TBC1D32: variants seen among roughly 807,000 people sequenced by gnomAD.
The protein encoded by TBC1D32 is TBC1 domain family member 32, also known as protein broad-minded.
A neutral mutation model predicts 170.3 loss-of-function variants in TBC1D32; 151 were observed. The ratio of observed to expected loss-of-function variants is 0.89; its 90% CI spans 0.78 to 1.01. The LOEUF (loss-of-function observed/expected upper bound fraction) is 1.01. TBC1D32 is among the 50% of genes least tolerant of loss of function. The pLI, the probability that TBC1D32 is intolerant of heterozygous loss-of-function variation, is 0.00. For missense variants in TBC1D32, 1,464 were observed against 1,457.1 expected, an observed-to-expected ratio of 1.00 and a Z score of -0.08; for synonymous variants, 498 against 488.0, an observed-to-expected ratio of 1.02 and a Z score of -0.27.
intron 24 of TBC1D32, among the ~76,000 whole-genome samples, chr6:121,147,985 T>G (rs1783695264): frequency 6.6e-6 from 1 of 151,744 alleles, no homozygotes; most frequent in Admixed American, 6.6e-5. Flanking sequence ...AATATTTGTT[T>G]GTTGGTTGGT....
chr6:121,226,008 A>G (rs1795010260), intron 20 of TBC1D32, among the ~76,000 whole-genome samples: 1 of 152,170 alleles, frequency 6.6e-6, no homozygotes, highest in African/African-American at 2.4e-5. Flanking sequence ...TAAGGAAACT[A>G]ATGAAAAGTC....
chr6:121,097,613 A>C (rs1308723473), intron 30 of TBC1D32, among the ~76,000 whole-genome samples: 1 of 152,192 alleles, frequency 6.6e-6, no homozygotes, highest in Non-Finnish European at 1.5e-5. Flanking sequence ...AATTAGTTCA[A>C]CCATTGTGGA....
At chr6:121,180,439 A>G (rs1429398111) in intron 22 of TBC1D32, among the ~76,000 whole-genome samples, 1 of 151,864 alleles carries the variant, frequency 6.6e-6, no homozygotes, top group African/African-American at 2.4e-5. Flanking sequence ...CCCAGAAATA[A>G]ATCTACACAC....
At chr6:121,156,295 G>A (rs1052001523) in intron 24 of TBC1D32, among the ~76,000 whole-genome samples, 1 of 151,736 alleles carries the variant, frequency 6.6e-6, no homozygotes, top group Non-Finnish European at 1.5e-5. Context: ...TAATTTGTGT[G>A]CATTGAAGTG....
chr6:121,314,144 T>G (rs993191894), intron 3 of TBC1D32, among the ~76,000 whole-genome samples: 4 of 152,190 alleles, frequency 2.6e-5, no homozygotes, highest in African/African-American at 9.6e-5. Context: ...TTCCAGCTTC[T>G]AGAGGCTGCC....
chr6:121,091,529 C>T (rs1776798988), intron 30 of TBC1D32, among the ~76,000 whole-genome samples: 1 of 152,088 alleles, frequency 6.6e-6, no homozygotes, highest in African/African-American at 2.4e-5. Flanking sequence ...AATTACATAA[C>T]ATAAAATCTG....
intron 24 of TBC1D32, among the ~76,000 whole-genome samples, chr6:121,155,625 G>A (rs9375004): frequency 0.64 from 96,914 of 151,968 alleles, 36,626 homozygotes; most frequent in Non-Finnish European, 0.84. Context: ...GTATAATGCT[G>A]TGATGTTAGC....
chr6:121,298,179 G>T (rs150354493), intron 10 of TBC1D32, among the ~76,000 whole-genome samples: 1 of 151,976 alleles, frequency 6.6e-6, no homozygotes, highest in Non-Finnish European at 1.5e-5. Context: ...TTGATATTTT[G>T]TAAATGTAGG....
chr6:121,101,413 G>A (rs1778042432), intron 30 of TBC1D32, among the ~76,000 whole-genome samples: 1 of 151,962 alleles, frequency 6.6e-6, no homozygotes, highest in Admixed American at 6.6e-5. Flanking sequence ...TTCATCCATG[G>A]GATGCGAAGC....
intron 24 of TBC1D32, among the ~76,000 whole-genome samples, chr6:121,159,199 G>A (rs1785281060): frequency 6.6e-6 from 1 of 152,158 alleles, no homozygotes. Context: ...TTTCTATTTA[G>A]TTCCCATCAC....
At chr6:121,327,820 C>G (rs1170957169) in intron 1 of TBC1D32, among the ~76,000 whole-genome samples, 1 of 151,924 alleles carries the variant, frequency 6.6e-6, no homozygotes, top group South Asian at 2.1e-4. Context: ...TTAATGTAGT[C>G]AAAGTAAACA....
intron 27 of TBC1D32, among the ~76,000 whole-genome samples, chr6:121,114,412 T>A (rs963209833): frequency 2.0e-5 from 3 of 152,108 alleles, no homozygotes; most frequent in African/African-American, 7.2e-5. Flanking sequence ...ATCTACGAAG[T>A]CCATTTCAGA....
intron 25 of TBC1D32, among the ~76,000 whole-genome samples, chr6:121,127,163 CACT>C (rs2128213282): frequency 6.6e-6 from 1 of 152,246 alleles, no homozygotes; most frequent in African/African-American, 2.4e-5. Context: ...ACACTTTACT[CACT>C]ATGTAAAATT....
intron 17 of TBC1D32, among the ~76,000 whole-genome samples, chr6:121,252,760 T>C (rs1331535806): frequency 1.3e-5 from 2 of 151,950 alleles, no homozygotes; most frequent in East Asian, 1.9e-4. Context: ...AAAACAGACA[T>C]GTAGACCAAT....
In TBC1D32 at chr6:121,193,288, G is replaced by A. The variant is rs370969074; in HGVS notation, c.2570+11787C>T. Among the ~76,000 whole-genome samples, 4 of 152,212 alleles carry A rather than the reference G, an allele frequency of 2.6e-5. No homozygotes were observed. In the South Asian group the frequency reaches 8.3e-4, roughly 31 times the overall value. ...CAGATTAAATGATGGCCCACTGTGA[G>A]AAAGCTGGATATGACTGATCTCCTT... On this transcript the variant is annotated intron_variant, in intron 22 of 31. Transcript: ENST00000398212.
chr6:121,257,695 T>C (rs756496473), intron 15 of TBC1D32, among the ~76,000 whole-genome samples: 2 of 152,214 alleles, frequency 1.3e-5, no homozygotes, highest in Non-Finnish European at 2.9e-5. Context: ...TTGTTTGTTT[T>C]CTGTTTTAGT....
chr6:121,173,447 G>A (rs1776810), intron 22 of TBC1D32, among the ~76,000 whole-genome samples: 124,086 of 151,964 alleles, frequency 0.82, 53,349 homozygotes, highest in Non-Finnish European at 0.94. Context: ...TGACCAATAT[G>A]AAAATAAAAG....
chr6:121,301,726 A>G (rs1444139843), intron 9 of TBC1D32, among the ~76,000 whole-genome samples: 2 of 152,244 alleles, frequency 1.3e-5, no homozygotes, highest in East Asian at 3.9e-4. Context: ...TAAACAGAAT[A>G]ATACAAGTCA....
Position 121,256,204 on chromosome 6 carries a change from C to T in TBC1D32, c.1815G>A (p.Met605Ile), listed in dbSNP as rs755344533. The T allele has an allele frequency of 6.2e-7, 1 of 1,613,908 alleles. No individual in the cohort carries two copies. Among genetic ancestry groups the T allele is most frequent in the Non-Finnish European group, 8.5e-7 (1 of 1,179,910 alleles). ...EDISIFSGSE[M>I]LPVVKGAFIS... ...TAAAAGCTCCTTTAACCACAGGCAACATTTCTGATCCAGAAAATATAGAAA... is the reference window on the plus strand; with the variant it reads ...TAAAAGCTCCTTTAACCACAGGCAATATTTCTGATCCAGAAAATATAGAAA... The change falls in exon 16 of 32, where the codon ATG becomes ATA. Residue 605 changes from methionine to isoleucine, a missense_variant. By Grantham distance (10) the Met-to-Ile change is conservative. This residue lies in a region of TBC1D32 where 1,363 missense variants were observed against 1,338.1 expected (regional missense o/e 1.02). Coordinates refer to ENST00000398212, the MANE Select transcript of TBC1D32 (RefSeq NM_152730.6).
Sources: gnomAD v4.1 joint callset for allele counts (sites outside exome capture counted in the v4.1 genomes callset) on GRCh38, gnomAD v4.1.1 for gene constraint, gnomAD v4.1.1 regional missense constraint, MANE v1.5 for transcripts, NCBI Gene and HGNC (gene_info 2026-07-23, HGNC 2026-07-21) for gene names.